Variants in CCDC88A observed in about 807,000 individuals in gnomAD.
The protein encoded by CCDC88A is girdin.
In CCDC88A, 54 loss-of-function variants were observed where a neutral mutation model predicts 234.3. The ratio of observed to expected loss-of-function variants is 0.23; its 90% CI spans 0.19 to 0.29. CCDC88A has a LOEUF of 0.29. Among genes scored for constraint, CCDC88A ranks in the 10% least tolerant of loss-of-function variants. The pLI, the probability that CCDC88A is intolerant of heterozygous loss-of-function variation, is 1.00. For missense variants in CCDC88A, 1,832 were observed against 2,123.4 expected, an observed-to-expected ratio of 0.86 and a Z score of 2.70; for synonymous variants, 753 against 737.8, an observed-to-expected ratio of 1.02 and a Z score of -0.33.
intron 3 of CCDC88A, among the ~76,000 whole-genome samples, chr2:55,383,545 C>A (rs1346207116): frequency 6.6e-6 from 1 of 151,374 alleles, no homozygotes; most frequent in African/African-American, 2.4e-5. Context: ...ATCGCTTGAA[C>A]CCGGGAGGCG....
intron 5 of CCDC88A, among the ~76,000 whole-genome samples, chr2:55,364,396 A>G (rs1199390399): frequency 6.6e-6 from 1 of 152,090 alleles, no homozygotes. Flanking sequence ...ACAGTGAGTC[A>G]GTGGCAGAAT....
chr2:55,347,991 G>T (rs933733586), intron 9 of CCDC88A, among the ~76,000 whole-genome samples: 1 of 151,540 alleles, frequency 6.6e-6, no homozygotes, highest in Non-Finnish European at 1.5e-5. Flanking sequence ...TTGAGACAGG[G>T]TCTCACTCTG....
intron 13 of CCDC88A, chr2:55,337,328 T>C (rs1479597257): frequency 1.3e-5 from 2 of 152,184 alleles, no homozygotes; most frequent in East Asian, 1.9e-4. Flanking sequence ...CTAATATTTA[T>C]ATTTTAGGTT....
intron 18 of CCDC88A, among the ~76,000 whole-genome samples, chr2:55,321,574 A>T (rs1683641594): frequency 6.6e-6 from 1 of 152,028 alleles, no homozygotes; most frequent in Non-Finnish European, 1.5e-5. Flanking sequence ...AAAAAACCTA[A>T]ATGTCCAGAA....
chr2:55,300,694 A>G (rs1046777978), intron 28 of CCDC88A: 1 of 152,654 alleles, frequency 6.6e-6, no homozygotes, highest in African/African-American at 2.4e-5. Context: ...TATTTTTAGT[A>G]GAGATGGGGT....
intron 4 of CCDC88A, among the ~76,000 whole-genome samples, chr2:55,373,140 T>G (rs1461723415): frequency 6.6e-6 from 1 of 152,172 alleles, no homozygotes. Context: ...AATATTCAAC[T>G]GGAAAAAAAT....
chr2:55,401,215 A>G (rs572652771), intron 2 of CCDC88A, among the ~76,000 whole-genome samples: 1 of 151,696 alleles, frequency 6.6e-6, no homozygotes, highest in African/African-American at 2.4e-5. Flanking sequence ...GAATTGCTTC[A>G]GGCCAGGAGT....
intron 3 of CCDC88A, among the ~76,000 whole-genome samples, chr2:55,375,468 ACTATATATATATATATATAT>A (rs1673484979): frequency 7.7e-6 from 1 of 129,740 alleles, no homozygotes; most frequent in Non-Finnish European, 1.6e-5. Context: ...CTGTCACTGT[ACTATATATATATATATATAT>A]ATATATATAT....
chr2:55,339,671 A>C (rs776411640), intron 12 of CCDC88A, 23 bp from the exon 13 acceptor site: 4 of 1,573,846 alleles, frequency 2.5e-6, no homozygotes, highest in Non-Finnish European at 3.4e-6. Flanking sequence ...AAAATACACC[A>C]TTGTATTTAC....
chr2:55,362,228 G>A (rs13019339), intron 7 of CCDC88A, 80 bp downstream of exon 7: 307,711 of 1,092,036 alleles, frequency 0.28, 45,198 homozygotes, highest in East Asian at 0.51. Flanking sequence ...AAATAGTATC[G>A]TTTCTGAAAA....
intron 2 of CCDC88A, chr2:55,417,128 G>A (rs1461447770): frequency 2.6e-5 from 4 of 151,800 alleles, no homozygotes; most frequent in African/African-American, 9.7e-5. Flanking sequence ...GCATAAAACT[G>A]CATTTGAAGT....
intron 8 of CCDC88A, chr2:55,350,599 A>C (rs1016713531): frequency 1.3e-5 from 2 of 148,448 alleles, no homozygotes; most frequent in African/African-American, 2.4e-5. Context: ...AAACCATTAT[A>C]TATTAATATA....
intron 2 of CCDC88A, among the ~76,000 whole-genome samples, chr2:55,393,171 T>C (rs961943686): frequency 6.6e-6 from 1 of 152,020 alleles, no homozygotes; most frequent in Non-Finnish European, 1.5e-5. Flanking sequence ...TAAGTTTTTT[T>C]TTCTTACTTG....
intron 5 of CCDC88A, among the ~76,000 whole-genome samples, chr2:55,371,106 C>T (rs1444211507): frequency 1.3e-5 from 2 of 152,142 alleles, no homozygotes; most frequent in African/African-American, 4.8e-5. Flanking sequence ...CATATTTATG[C>T]TATTGCTATG....
At chr2:55,408,388 C>A (rs1187879263) in intron 2 of CCDC88A, among the ~76,000 whole-genome samples, 1 of 152,046 alleles carries the variant, frequency 6.6e-6, no homozygotes, top group Non-Finnish European at 1.5e-5. Context: ...GAGCTTCATT[C>A]CCGGACAGTT....
Position 55,401,434 on chromosome 2 carries a change from CAA to C in CCDC88A, c.165-12550_165-12549del, listed in dbSNP as rs1174693653. Among the ~76,000 whole-genome samples the C allele has an allele frequency of 2.6e-4, 12 of 45,806 alleles. 1 individual carries two copies. Among genetic ancestry groups the C allele is most frequent in the Admixed American group, 1.2e-3 (3 of 2,566 alleles). The allele number at this position is 45,806 out of a possible 152,430, so 30.1% of individuals were successfully genotyped here. ...GGATGACAGAGAAAGACTCTGTCTC[CAA>C]AAAAAAAAAAAATATATATATATAT... is the stretch of plus-strand genomic sequence containing the variant. On this transcript the variant is annotated intron_variant, in intron 2 of 32. Transcript: ENST00000436346.
intron 25 of CCDC88A, among the ~76,000 whole-genome samples, chr2:55,307,643 C>T (rs1008451402): frequency 3.9e-5 from 6 of 152,002 alleles, no homozygotes; most frequent in Admixed American, 1.3e-4. Context: ...CGTGAGCCAC[C>T]GTTCCCGGCC....
chr2:55,336,660 C>G, intron 14 of CCDC88A, 21 bp downstream of exon 14: 2 of 1,463,212 alleles, frequency 1.4e-6, no homozygotes, highest in Non-Finnish European at 1.8e-6. Flanking sequence ...ACATTGTTTA[C>G]TTAGTAAAAA....
At chr2:55,359,755 T>C (rs1286837161) in intron 7 of CCDC88A, among the ~76,000 whole-genome samples, 1 of 151,872 alleles carries the variant, frequency 6.6e-6, no homozygotes, top group Non-Finnish European at 1.5e-5. Flanking sequence ...TTTTTTGAAA[T>C]AGTTTGTCAG....
Sources: gnomAD v4.1 joint callset for allele counts (sites outside exome capture counted in the v4.1 genomes callset) on GRCh38, gnomAD v4.1.1 for gene constraint, MANE v1.5 for transcripts, NCBI Gene and HGNC (gene_info 2026-07-23, HGNC 2026-07-21) for gene names.